ERG: variants seen among roughly 807,000 people sequenced by gnomAD.
The protein encoded by ERG is transcriptional regulator ERG.
Under a neutral mutation model 55.3 loss-of-function variants are expected in ERG, and 9 were observed. The ratio of observed to expected loss-of-function variants is 0.16; its 90% CI spans 0.10 to 0.28. ERG has a LOEUF of 0.28. Among genes scored for constraint, ERG ranks in the 10% least tolerant of loss-of-function variants. The probability of loss-of-function intolerance (pLI) is 1.00; values close to 1 mark genes in which losing one functional copy is unlikely to be tolerated. For synonymous variants in ERG, 223 were observed against 237.3 expected (o/e 0.94, Z 0.55); for missense variants, 434 against 631.6 (o/e 0.69, Z 3.35).
rs749916095 is a variant in ERG at position 38,383,472 on chromosome 21, A to C, written c.1371T>G (p.Thr457=). The C allele has an allele frequency of 6.5e-7, 1 of 1,535,014 alleles. No individual in the cohort carries two copies. Among genetic ancestry groups the C allele is most frequent in the South Asian group, 1.3e-5 (1 of 78,948 alleles). Residue 457 remains threonine, a synonymous_variant, in exon 10 of 10, where the codon ACT becomes ACG. Coordinates refer to ENST00000288319, the MANE Select transcript of ERG (RefSeq NM_182918.4). This position sits in a 1 kb window ranked among gnomAD's most constrained non-coding sequence, Gnocchi z 5.7. The part of the protein sequence containing the change: ...AAPNPYWNSP[T]GGIYPNTRLP... The stretch of plus-strand genomic sequence containing the variant: ...GCCTAGTGTTGGGGTATATACCCCC[A>C]GTTGGTGAATTCCAGTATGGGTTTG...
At chr21:38,416,960 T>G (rs1407122274) in intron 3 of ERG, among the ~76,000 whole-genome samples, 1 of 152,218 alleles carries the variant, frequency 6.6e-6, no homozygotes, top group African/African-American at 2.4e-5. Context: ...TGGGTATAAA[T>G]GAAGCTGTTC....
chr21:38,654,092 C>G (rs977729293), intron 1 of ERG, among the ~76,000 whole-genome samples: 2 of 152,224 alleles, frequency 1.3e-5, no homozygotes, highest in African/African-American at 4.8e-5. Flanking sequence ...TGTCTAATCA[C>G]TTATATTTAC....
Position 38,407,646 on chromosome 21 carries a change from T to TACATATATATATATATATATATATA in ERG, c.389-3938_389-3937insTATATATATATATATATATATATGT, listed in dbSNP as rs34894423. On this transcript the variant is annotated intron_variant, in intron 3 of 9. Coordinates refer to ENST00000288319, the MANE Select transcript of ERG (RefSeq NM_182918.4). ...GGTCTTACAAAAGGTATATATATATTTAATGTATATTATATGTATACTATA... is the reference window on the plus strand; with the variant it reads ...GGTCTTACAAAAGGTATATATATATTACATATATATATATATATATATATATAATGTATATTATATGTATACTATA... Among the ~76,000 whole-genome samples, 8 of 142,634 alleles carry TACATATATATATATATATATATATA rather than the reference T, an allele frequency of 5.6e-5. 1 individual carries two copies. The highest frequency in any genetic ancestry group is 1.9e-4 in the African/African-American group (7 of 37,450). 93.6% of individuals were successfully genotyped at this position (142,634 alleles called of 152,430 possible).
intron 2 of ERG, among the ~76,000 whole-genome samples, chr21:38,539,893 AT>A (rs11338575): frequency 0.15 from 18,011 of 118,868 alleles, 851 homozygotes; most frequent in African/African-American, 0.19. Context: ...CCAACACGTG[AT>A]TTTTTTTTTT....
intron 2 of ERG, among the ~76,000 whole-genome samples, chr21:38,552,991 G>A (rs1170501194): frequency 6.6e-6 from 1 of 151,734 alleles, no homozygotes; most frequent in African/African-American, 2.4e-5. Context: ...ATTTCACAAC[G>A]TTTTAGGATA....
At chr21:38,495,239 T>C (rs569982957) in intron 1 of ERG, among the ~76,000 whole-genome samples, 39 of 152,370 alleles carry the variant, frequency 2.6e-4, no homozygotes, top group African/African-American at 7.9e-4. Context: ...GAAGTGCAAA[T>C]GTGCAGACGT....
chr21:38,493,091 A>C (rs1338989373), intron 1 of ERG, among the ~76,000 whole-genome samples: 1 of 152,106 alleles, frequency 6.6e-6, no homozygotes, highest in Non-Finnish European at 1.5e-5. Flanking sequence ...TAAATTGGCA[A>C]ATATTTAAAT....
intron 1 of ERG, among the ~76,000 whole-genome samples, chr21:38,482,660 T>C (rs377331540): frequency 6.6e-6 from 1 of 151,674 alleles, no homozygotes; most frequent in East Asian, 1.9e-4. Flanking sequence ...GTGGTGGATA[T>C]ATACAACGGA....
chr21:38,620,429 C>T (rs1342259815), intron 1 of ERG, among the ~76,000 whole-genome samples: 1 of 152,208 alleles, frequency 6.6e-6, no homozygotes, highest in African/African-American at 2.4e-5. Context: ...TGCAGGCCCG[C>T]AGCCAGCTCG....
At chr21:38,487,354 T>C (rs1053649754) in intron 1 of ERG, among the ~76,000 whole-genome samples, 11 of 152,236 alleles carry the variant, frequency 7.2e-5, no homozygotes, top group African/African-American at 2.7e-4. Context: ...CCTATAATAA[T>C]TGTTTTTCAA....
intron 1 of ERG, among the ~76,000 whole-genome samples, chr21:38,473,749 A>G (rs988246834): frequency 1.3e-5 from 2 of 151,998 alleles, no homozygotes; most frequent in African/African-American, 4.8e-5. Context: ...AGTTTTATCT[A>G]TATAAAGTGT....
chr21:38,617,993 A>G (rs2060268454), intron 1 of ERG, among the ~76,000 whole-genome samples: 1 of 152,152 alleles, frequency 6.6e-6, no homozygotes, highest in African/African-American at 2.4e-5. Flanking sequence ...TGGCAGGACG[A>G]GGCTTAAAAG....
chr21:38,379,937 C>T (rs754322590), downstream of ERG: 39 of 856,708 alleles, frequency 4.6e-5, no homozygotes, highest in African/African-American at 3.3e-4. Flanking sequence ...GCGATCCACC[C>T]GCCTCTGTCC....
intron 1 of ERG, among the ~76,000 whole-genome samples, chr21:38,469,334 A>G (rs2059120445): frequency 1.3e-5 from 2 of 152,186 alleles, no homozygotes; most frequent in Admixed American, 1.3e-4. Context: ...CTTACAAGAC[A>G]TGAGTAGTCT....
chr21:38,446,959 C>T (rs1334788525), intron 1 of ERG, among the ~76,000 whole-genome samples: 4 of 152,072 alleles, frequency 2.6e-5, no homozygotes, highest in Admixed American at 6.6e-5. Flanking sequence ...TTTAAATTAG[C>T]ACCCTCTTCC....
chr21:38,611,415 C>T (rs1334813848), intron 1 of ERG, among the ~76,000 whole-genome samples: 3 of 152,086 alleles, frequency 2.0e-5, no homozygotes, highest in Admixed American at 2.0e-4. Flanking sequence ...ATCACGTGGC[C>T]CCTCTTTCTG....
chr21:38,590,732 G>A (rs1450480223), intron 1 of ERG, among the ~76,000 whole-genome samples: 1 of 152,136 alleles, frequency 6.6e-6, no homozygotes, highest in Non-Finnish European at 1.5e-5. Context: ...TACGCACTGA[G>A]TTCCCTCCAT....
At chr21:38,605,012 A>G (rs2060188317) in intron 1 of ERG, among the ~76,000 whole-genome samples, 1 of 152,172 alleles carries the variant, frequency 6.6e-6, no homozygotes, top group Non-Finnish European at 1.5e-5. Flanking sequence ...AGTGTTTCCT[A>G]GATGAAATAT....
intron 1 of ERG, among the ~76,000 whole-genome samples, chr21:38,620,050 G>A (rs2060281047): frequency 1.3e-5 from 2 of 152,216 alleles, no homozygotes; most frequent in Non-Finnish European, 2.9e-5. Context: ...CAGAACGCCA[G>A]CCAAGCTAAA....
Sources: gnomAD v4.1 joint callset for allele counts (sites outside exome capture counted in the v4.1 genomes callset) on GRCh38, gnomAD v4.1.1 for gene constraint, Gnocchi (gnomAD v3.1) non-coding constraint, MANE v1.5 for transcripts, NCBI Gene and HGNC (gene_info 2026-07-23, HGNC 2026-07-21) for gene names.